ABCA13: variants seen among roughly 807,000 people sequenced by gnomAD.
ABCA13 encodes the protein ATP-binding cassette sub-family A member 13.
In ABCA13, 476 loss-of-function variants were observed where a neutral mutation model predicts 478.7. The ratio of observed to expected loss-of-function variants is 0.99; its 90% CI spans 0.92 to 1.07. ABCA13 has a LOEUF of 1.07. Ranked by LOEUF, ABCA13 falls within the 50% of genes least tolerant of loss-of-function variation. ABCA13 has a pLI of 0.00. For missense variants in ABCA13, 6,060 were observed against 5,910.6 expected (o/e 1.03, Z -0.83); for synonymous variants, 2,252 against 2,158.9 (o/e 1.04, Z -1.20).
intron 25 of ABCA13, 128 bp downstream of exon 25, chr7:48,313,359 C>A (rs959096910): frequency 2.2e-6 from 2 of 927,436 alleles, no homozygotes; most frequent in African/African-American, 3.3e-5. Context: ...AATGAAAGTA[C>A]CTTTTCATAT....
chr7:48,426,423 C>T (rs1237867987), intron 41 of ABCA13, among the ~76,000 whole-genome samples: 2 of 152,294 alleles, frequency 1.3e-5, no homozygotes, highest in Non-Finnish European at 2.9e-5. Flanking sequence ...TCCTCAGGAA[C>T]ATCTAGAGAC....
chr7:48,561,077 G>C (rs1786407042), intron 55 of ABCA13, among the ~76,000 whole-genome samples: 1 of 151,836 alleles, frequency 6.6e-6, no homozygotes, highest in African/African-American at 2.4e-5. Context: ...GTATGTATAT[G>C]TATATATATG....
At position 48,227,303 on chromosome 7, in the gene ABCA13, A is replaced by G; in HGVS notation, c.510A>G (p.Glu170=). 6.2e-7 allele frequency: 1 copy of G among 1,613,782 alleles called. No homozygotes were observed. Among genetic ancestry groups the G allele is most frequent in the Non-Finnish European group, 8.5e-7 (1 of 1,179,776 alleles). Residue 170 remains glutamate, a synonymous_variant, in exon 6 of 62, where the codon GAA becomes GAG. Transcript: ENST00000435803. Reference sequence around the variant, plus strand: ...CCGAGGAGGTAATATTGAAACTGGAAAGCCTCCATCAGCAGCCTCATATCT... The same window carrying G: ...CCGAGGAGGTAATATTGAAACTGGAGAGCCTCCATCAGCAGCCTCATATCT... ...NKTEEVILKL[E]SLHQQPHIWD...
At chr7:48,413,335 C>T (rs1819533153) in intron 41 of ABCA13, among the ~76,000 whole-genome samples, 1 of 152,178 alleles carries the variant, frequency 6.6e-6, no homozygotes, top group Admixed American at 6.5e-5. Flanking sequence ...TCCCATCCCC[C>T]AGGTCCCACT....
chr7:48,564,297 T>G (rs1161358637), intron 55 of ABCA13, among the ~76,000 whole-genome samples: 3 of 151,980 alleles, frequency 2.0e-5, no homozygotes, highest in Admixed American at 6.6e-5. Flanking sequence ...TAAAATACAT[T>G]AGAATCTCTG....
chr7:48,435,971 GT>G (rs35182542), intron 42 of ABCA13, among the ~76,000 whole-genome samples: 23,774 of 138,354 alleles, frequency 0.17, 2,293 homozygotes, highest in Non-Finnish European at 0.24. Flanking sequence ...AGTTGGTAAG[GT>G]TTTTTTTTTT....
intron 59 of ABCA13, 103 bp downstream of exon 59, chr7:48,615,480 C>G (rs1585992487): frequency 9.9e-7 from 1 of 1,005,608 alleles, no homozygotes; most frequent in East Asian, 2.9e-5. Flanking sequence ...GTTCCAATTA[C>G]CTGCTGGCAT....
intron 55 of ABCA13, among the ~76,000 whole-genome samples, chr7:48,541,108 A>C (rs1833917537): frequency 6.6e-6 from 1 of 152,170 alleles, no homozygotes; most frequent in Non-Finnish European, 1.5e-5. Flanking sequence ...TATCTGGAAC[A>C]CTAAAGTCCT....
At chr7:48,183,379 A>G (rs552803039) in intron 1 of ABCA13, among the ~76,000 whole-genome samples, 1 of 152,226 alleles carries the variant, frequency 6.6e-6, no homozygotes, top group Non-Finnish European at 1.5e-5. Context: ...GCTTCTGTCC[A>G]GGTACCATCA....
rs765906508 is a variant in ABCA13 at position 48,278,875 on chromosome 7, A to T, written c.7681A>T (p.Ile2561Phe). Reference sequence around the variant, plus strand: ...GAAATTCTTTGACACTCTGTATTCCATCATGCAACAAAGTGTTCAAAATCT... The same window carrying T: ...GAAATTCTTTGACACTCTGTATTCCTTCATGCAACAAAGTGTTCAAAATCT... Reference protein sequence around the residue: ...SVKFFDTLYSIMQQSVQNLVK... With the variant: ...SVKFFDTLYSFMQQSVQNLVK... Residue 2561 changes from isoleucine to phenylalanine, a missense_variant, in exon 18 of 62, where the codon ATC becomes TTC. By Grantham distance (21) the Ile-to-Phe change is conservative. Around this residue, in one of 3 missense-constraint regions of ABCA13, gnomAD observed 4,423 missense variants for 4,309.1 expected, o/e 1.03. Transcript: ENST00000435803. 2 of 1,613,364 alleles carry T rather than the reference A, an allele frequency of 1.2e-6. No individual in the cohort carries two copies. The highest frequency in any genetic ancestry group is 1.7e-6 in the Non-Finnish European group (2 of 1,179,876).
At chr7:48,576,859 G>T (rs953631587) in intron 55 of ABCA13, among the ~76,000 whole-genome samples, 1 of 150,754 alleles carries the variant, frequency 6.6e-6, no homozygotes. Context: ...TAACAATAAA[G>T]AAATAGACAT....
chr7:48,329,533 C>T (rs573541485), intron 27 of ABCA13, among the ~76,000 whole-genome samples: 13 of 152,124 alleles, frequency 8.5e-5, no homozygotes, highest in Non-Finnish European at 1.8e-4. Flanking sequence ...GGGCAACAGA[C>T]CAGCCTTTCT....
rs756608862 is a variant in ABCA13, at chr7:48,489,357, T to A, written c.13291+13T>A. The A allele has an allele frequency of 2.6e-6, 4 of 1,557,806 alleles. No homozygotes were observed. In the South Asian group the frequency reaches 4.6e-5, roughly 18 times the overall value. On this transcript the variant is annotated intron_variant, in intron 48 of 61. Coordinates refer to ENST00000435803, the MANE Select transcript of ABCA13 (RefSeq NM_152701.5). ...TGGAGACAATACGGTAATGTTATTT[T>A]TCATGCATTGTAATTCACTACTTTC...
At chr7:48,557,623 C>A (rs1785976096) in intron 55 of ABCA13, among the ~76,000 whole-genome samples, 1 of 152,084 alleles carries the variant, frequency 6.6e-6, no homozygotes, top group East Asian at 1.9e-4. Context: ...CTTTTAGAAT[C>A]CTTTTTTTAT....
chr7:48,396,493 A>G (rs1816852787), intron 38 of ABCA13, among the ~76,000 whole-genome samples: 1 of 152,196 alleles, frequency 6.6e-6, no homozygotes. Flanking sequence ...GAGGGAAGCC[A>G]GGATCTGACC....
At chr7:48,479,236 T>C (rs1563325646) in intron 45 of ABCA13, among the ~76,000 whole-genome samples, 1 of 149,750 alleles carries the variant, frequency 6.7e-6, no homozygotes, top group Non-Finnish European at 1.5e-5. Flanking sequence ...CTTTTAGCAA[T>C]TTTCCTTTTT....
chr7:48,536,699 T>C (rs1833609189), intron 55 of ABCA13, among the ~76,000 whole-genome samples: 1 of 152,090 alleles, frequency 6.6e-6, no homozygotes, highest in South Asian at 2.1e-4. Flanking sequence ...ATGTATTTTA[T>C]AGTTCTTTTC....
chr7:48,380,307 T>C (rs1814147951), intron 35 of ABCA13, among the ~76,000 whole-genome samples: 2 of 152,224 alleles, frequency 1.3e-5, no homozygotes, highest in Non-Finnish European at 2.9e-5. Flanking sequence ...AATCTTCACA[T>C]CTTTTGTCAT....
At chr7:48,180,358 CTAGTGG>C (rs1336457304) in intron 1 of ABCA13, among the ~76,000 whole-genome samples, 1 of 152,172 alleles carries the variant, frequency 6.6e-6, no homozygotes, top group Non-Finnish European at 1.5e-5. Context: ...TTCCTTGTTT[CTAGTGG>C]TAACTCAATT....
Sources: allele counts gnomAD v4.1 joint callset (sites outside exome capture counted in the v4.1 genomes callset), GRCh38; gene constraint gnomAD v4.1.1; regional missense constraint gnomAD v4.1.1; transcripts MANE v1.5; gene names NCBI Gene and HGNC (gene_info 2026-07-23, HGNC 2026-07-21).